DNMT1: variants seen among roughly 807,000 people sequenced by gnomAD.
DNMT1 encodes the protein DNA (cytosine-5)-methyltransferase 1.
DNMT1 carries 24 observed loss-of-function variants against 205.3 expected under a neutral mutation model. The observed-to-expected ratio is 0.12, with a 90% CI of 0.08 to 0.16. The LOEUF (loss-of-function observed/expected upper bound fraction) is 0.16, where lower values mean the gene tolerates loss of function less well. DNMT1 is among the 10% of genes least tolerant of loss of function. The pLI is 1.00. For synonymous variants in DNMT1, 817 were observed against 839.8 expected (o/e 0.97, Z 0.47); for missense variants, 1,293 against 2,177.7 (o/e 0.59, Z 8.09).
intron 39 of DNMT1, chr19:10,135,447 AGCT>A: frequency 2.1e-6 from 1 of 477,996 alleles, no homozygotes. Context: ...ACAGCGAGTG[AGCT>A]GTCGCCACCA....
intron 11 of DNMT1, among the ~76,000 whole-genome samples, chr19:10,165,990 A>C (rs1178361624): frequency 1.3e-5 from 2 of 152,098 alleles, no homozygotes; most frequent in Non-Finnish European, 2.9e-5. Flanking sequence ...AACAGGCAGA[A>C]ACCCAGAGAC....
intron 5 of DNMT1, 126 bp from the exon 6 acceptor site, chr19:10,177,493 C>G (rs1443697524): frequency 1.8e-5 from 17 of 922,952 alleles, no homozygotes; most frequent in Admixed American, 2.7e-5. Flanking sequence ...GACTAAGCAT[C>G]TTTGCATTTT....
rs1182445500 is a variant in DNMT1, at chr19:10,140,495, G to A, written c.3524-167C>T. On this transcript the variant is annotated intron_variant, in intron 32 of 40. Transcript: ENST00000359526. This position sits in a 1 kb window ranked among gnomAD's most constrained non-coding sequence, Gnocchi z 8.4. ...AGCGATTCTCCCACCTCAGCCTCCT[G>A]AGTAGCTGGGACTACAGGCACACAC... The A allele has an allele frequency of 9.4e-7, 1 of 1,060,782 alleles. No individual in the cohort carries two copies. Among genetic ancestry groups the A allele is most frequent in the African/African-American group, 1.6e-5 (1 of 62,964 alleles). 65.7% of individuals were successfully genotyped at this position (1,060,782 alleles called of 1,614,324 possible). A position where few individuals can be genotyped will look rare whatever the true frequency, so the allele number is the denominator to read the frequency against.
chr19:10,141,539 G>C (rs113144118), intron 30 of DNMT1: 7 of 372,818 alleles, frequency 1.9e-5, no homozygotes, highest in African/African-American at 1.5e-4. Flanking sequence ...ACACGGAAAG[G>C]CCAAGCCCCA....
At chr19:10,148,790 G>A (rs543508672) in intron 27 of DNMT1, 94 bp downstream of exon 27, 40 of 1,605,512 alleles carry the variant, frequency 2.5e-5, no homozygotes, top group East Asian at 2.2e-4. Context: ...CTGGGGGGCC[G>A]TTGGCGGAAG....
intron 7 of DNMT1, among the ~76,000 whole-genome samples, chr19:10,174,288 C>A (rs562606643): frequency 6.6e-6 from 1 of 152,050 alleles, no homozygotes; most frequent in Admixed American, 6.6e-5. Flanking sequence ...CATTGGCATG[C>A]GCCTGTAGTC....
At chr19:10,187,722 G>C (rs1387074476) in intron 1 of DNMT1, among the ~76,000 whole-genome samples, 1 of 151,656 alleles carries the variant, frequency 6.6e-6, no homozygotes, top group African/African-American at 2.4e-5. Flanking sequence ...ATAGTAATTA[G>C]CTGGGTGTGG....
chr19:10,149,755 C>T (rs895539507), intron 25 of DNMT1, 98 bp from the exon 26 acceptor site: 1 of 1,606,946 alleles, frequency 6.2e-7, no homozygotes, highest in Admixed American at 1.7e-5. Flanking sequence ...CAGTTTTCAT[C>T]TAGGGCAAAA....
At chr19:10,179,498 T>C (rs2039001376) in intron 5 of DNMT1, among the ~76,000 whole-genome samples, 1 of 152,006 alleles carries the variant, frequency 6.6e-6, no homozygotes, top group South Asian at 2.1e-4. Flanking sequence ...CCACCCAAAG[T>C]GCAGGGATTA....
At chr19:10,147,716 T>G (rs1477779245) in intron 27 of DNMT1, among the ~76,000 whole-genome samples, 2 of 152,148 alleles carry the variant, frequency 1.3e-5, no homozygotes, top group Non-Finnish European at 2.9e-5. Flanking sequence ...CCTCCTGGGT[T>G]TCCCTGGTTG....
At chr19:10,141,991 A>G in intron 30 of DNMT1, 37 bp downstream of exon 30, 1 of 1,607,806 alleles carries the variant, frequency 6.2e-7, no homozygotes, top group Non-Finnish European at 8.5e-7. Context: ...GCCAACTTTG[A>G]CCCCGAAGCC....
chr19:10,159,629 A>G lies in DNMT1; in HGVS notation c.1280+29T>C. The G allele has an allele frequency of 6.2e-7, 1 of 1,611,262 alleles. No individual in the cohort carries two copies. Among genetic ancestry groups the G allele is most frequent in the Non-Finnish European group, 8.5e-7 (1 of 1,177,446 alleles). On this transcript the variant is annotated intron_variant, in intron 17 of 40. Coordinates refer to ENST00000359526, the MANE Select transcript of DNMT1 (RefSeq NM_001130823.3). The surrounding 1 kb of genome is among the most constrained non-coding windows in gnomAD (Gnocchi z 5.0). ...TCTGGGGATGTGCCTCCTTCCACGA[A>G]GCAAACATGCACACGAAAGTGCACT...
chr19:10,134,164 T>C, intron 40 of DNMT1, 53 bp downstream of exon 40: 18 of 1,596,716 alleles, frequency 1.1e-5, no homozygotes, highest in Non-Finnish European at 1.5e-5. Context: ...CCCCCACATG[T>C]ACCCCCAGAG....
chr19:10,168,664 A>G (rs752819388), intron 9 of DNMT1, among the ~76,000 whole-genome samples: 2 of 151,938 alleles, frequency 1.3e-5, no homozygotes, highest in Non-Finnish European at 2.9e-5. Context: ...CAGTTTCAGT[A>G]TTTTTACTTC....
intron 28 of DNMT1, chr19:10,144,725 GTA>G (rs2089666423): frequency 6.5e-6 from 1 of 153,056 alleles, no homozygotes; most frequent in African/African-American, 2.4e-5. Flanking sequence ...TGGGCACCTC[GTA>G]TGAGCGAGAC....
chr19:10,183,202 G>C (rs117068853), intron 1 of DNMT1, among the ~76,000 whole-genome samples: 1 of 149,272 alleles, frequency 6.7e-6, no homozygotes, highest in African/African-American at 2.5e-5. Context: ...CTCAACCTCC[G>C]ACTCCCAGGT....
At chr19:10,142,330 C>A in intron 29 of DNMT1, 110 bp from the exon 30 acceptor site, 1 of 1,491,346 alleles carries the variant, frequency 6.7e-7, no homozygotes, top group East Asian at 2.4e-5. Context: ...TAAAGACCCC[C>A]TAGTTCGAGA....
intron 28 of DNMT1, chr19:10,144,874 G>A (rs1194103773): frequency 6.6e-6 from 1 of 152,256 alleles, no homozygotes; most frequent in Non-Finnish European, 1.5e-5. Flanking sequence ...AAGTAGCTGG[G>A]ATTACAGGTG....
In DNMT1 at chr19:10,173,886, A is replaced by C; in HGVS notation, c.668T>G (p.Val223Gly). Reference protein sequence around the residue: ...DKDQDEKRRRVTSRERVARPL... With the variant: ...DKDQDEKRRRGTSRERVARPL... ...CTATTCTTACCGTTCTCTGGATGTA[A>C]CTCTACGTCTCTTCTCATCCTGTGT... Residue 223 changes from valine (V) to glycine (G), a missense_variant, in exon 8 of 41, where the codon GTT becomes GGT. This residue lies in a region of DNMT1 where 394 missense variants were observed against 451.6 expected (regional missense o/e 0.87). Coordinates refer to ENST00000359526, the MANE Select transcript of DNMT1 (RefSeq NM_001130823.3). 1 of 1,613,958 alleles carries C rather than the reference A, an allele frequency of 6.2e-7. No homozygotes were observed. Among genetic ancestry groups the C allele is most frequent in the Non-Finnish European group, 8.5e-7 (1 of 1,179,858 alleles).
Sources: allele counts gnomAD v4.1 joint callset (sites outside exome capture counted in the v4.1 genomes callset), GRCh38; gene constraint gnomAD v4.1.1; regional missense constraint gnomAD v4.1.1; non-coding constraint Gnocchi (gnomAD v3.1); transcripts MANE v1.5; gene names NCBI Gene and HGNC (gene_info 2026-07-23, HGNC 2026-07-21).